DIAPH1: variants seen among roughly 807,000 people sequenced by gnomAD.
The protein encoded by DIAPH1 is diaphanous related formin 1, also known as protein diaphanous homolog 1.
In DIAPH1, 46 loss-of-function variants were observed where a neutral mutation model predicts 140.7. That is an observed-to-expected ratio of 0.33 (90% CI 0.26 to 0.42). DIAPH1 has a LOEUF of 0.42. Ranked by LOEUF, DIAPH1 falls within the 10% of genes least tolerant of loss-of-function variation. The pLI is 1.00. For synonymous variants in DIAPH1, 565 were observed against 551.6 expected, an observed-to-expected ratio of 1.02 and a Z score of -0.34; for missense variants, 1,310 against 1,558.7, an observed-to-expected ratio of 0.84 and a Z score of 2.69.
chr5:141,581,098 G>A (rs1008139468), intron 7 of DIAPH1, among the ~76,000 whole-genome samples: 3 of 152,142 alleles, frequency 2.0e-5, no homozygotes, highest in Non-Finnish European at 4.4e-5. Context: ...GGTAGAAAGG[G>A]TCCTTAATCC....
chr5:141,568,139 T>G (rs1196754025), intron 18 of DIAPH1, among the ~76,000 whole-genome samples: 2 of 152,074 alleles, frequency 1.3e-5, no homozygotes, highest in East Asian at 3.8e-4. Context: ...ATGCTATGGT[T>G]CAAGAGGTGG....
Position 141,573,996 on chromosome 5 carries a change from T to TGGA in DIAPH1, c.1851_1853dup (p.Pro620dup), listed in dbSNP as rs3075570. ...TGCAAACACCCCCAGGCAAAGGAGG[T>TGGA]GGAGGAGGAGGAGGAGGAGGAGGAG... On this transcript the variant is annotated inframe_insertion, in exon 16 of 28. Transcript: ENST00000389054. 47,107 of 1,510,582 alleles carry TGGA rather than the reference T, an allele frequency of 0.031. 343 individuals are homozygous for TGGA. The highest frequency in any genetic ancestry group is 0.085 in the African/African-American group (5,499 of 64,370). 93.6% of individuals were successfully genotyped at this position (1,510,582 alleles called of 1,614,324 possible). A position where few individuals can be genotyped will look rare whatever the true frequency, so the allele number is the denominator to read the frequency against.
chr5:141,538,504 C>A lies in DIAPH1; in HGVS notation c.2483-4071G>T, dbSNP rs1041681040. 2.6e-5 allele frequency among the ~76,000 whole-genome samples: 4 copies of A among 152,194 alleles called. No homozygotes were observed. The East Asian group carries it at 7.7e-4, about 29-fold the overall frequency. ...AGTAACTGGGATTATAGGTACCCAC[C>A]ACCATGCAACCTCCGCCTCCTGGGT... On this transcript the variant is annotated intron_variant, in intron 18 of 27. Transcript: ENST00000389054.
At chr5:141,597,202 C>T (rs747416945) in intron 1 of DIAPH1, among the ~76,000 whole-genome samples, 6 of 152,198 alleles carry the variant, frequency 3.9e-5, no homozygotes, top group Non-Finnish European at 5.9e-5. Context: ...ATAGATTATT[C>T]AAAGGCATAT....
intron 24 of DIAPH1, among the ~76,000 whole-genome samples, chr5:141,527,118 G>C (rs752410644): frequency 6.6e-6 from 1 of 152,142 alleles, no homozygotes; most frequent in Non-Finnish European, 1.5e-5. Context: ...TAGTGGAGAC[G>C]GGGTACAGGC....
At chr5:141,589,917 TC>T (rs1388732499) in intron 1 of DIAPH1, among the ~76,000 whole-genome samples, 1 of 151,888 alleles carries the variant, frequency 6.6e-6, no homozygotes, top group Non-Finnish European at 1.5e-5. Context: ...GTATAGTAAA[TC>T]TTTTTTTTTT....
chr5:141,592,877 T>G lies in DIAPH1; in HGVS notation c.118-4627A>C, dbSNP rs545713673. On this transcript the variant is annotated intron_variant, in intron 1 of 27. Coordinates refer to ENST00000389054, the MANE Select transcript of DIAPH1 (RefSeq NM_005219.5). ...TTAGGAATCCAGATTAATAGGAACT[T>G]TCAGGTAAAAGATGTCAGACTGAAC... Among the ~76,000 whole-genome samples the G allele has an allele frequency of 3.3e-4, 51 of 152,304 alleles. No individual in the cohort carries two copies. In the South Asian group the frequency reaches 8.1e-3, roughly 24 times the overall value.
At chr5:141,583,078 T>C (rs1047882827) in intron 6 of DIAPH1, 128 bp downstream of exon 6, 1 of 845,020 alleles carries the variant, frequency 1.2e-6, no homozygotes, top group Admixed American at 1.8e-5. Context: ...GATAAACCCC[T>C]TCTTGGCTAA....
chr5:141,582,081 A>AAG, intron 7 of DIAPH1: 1 of 402,630 alleles, frequency 2.5e-6, no homozygotes, highest in African/African-American at 2.1e-5. Flanking sequence ...AAAAAAAAAA[A>AAG]AAAAAAGAGA....
At chr5:141,607,532 C>A (rs936872223) in intron 1 of DIAPH1, among the ~76,000 whole-genome samples, 1 of 152,138 alleles carries the variant, frequency 6.6e-6, no homozygotes, top group Non-Finnish European at 1.5e-5. Context: ...TATCACATGG[C>A]CAAAAACGGA....
At chr5:141,576,164 T>A (rs2099895939) in intron 14 of DIAPH1, 66 bp downstream of exon 14, 1 of 1,318,830 alleles carries the variant, frequency 7.6e-7, no homozygotes, top group African/African-American at 1.5e-5. Flanking sequence ...GTCTCATAGA[T>A]CAGGAAAATA....
At chr5:141,581,010 G>A in intron 7 of DIAPH1, 127 bp from the exon 8 acceptor site, 1 of 1,056,894 alleles carries the variant, frequency 9.5e-7, no homozygotes. Flanking sequence ...CCAACCCCCA[G>A]TACCTCAAAA....
intron 19 of DIAPH1, among the ~76,000 whole-genome samples, chr5:141,531,312 TCTC>T (rs1266151595): frequency 6.6e-6 from 1 of 150,786 alleles, no homozygotes; most frequent in Non-Finnish European, 1.5e-5. Context: ...TCTCTCTCTC[TCTC>T]TTTTTTTTTT....
At position 141,521,074 on chromosome 5, in the gene DIAPH1, G is replaced by A. The variant is rs2099886466; in HGVS notation, c.3661+3069C>T. 2.6e-5 allele frequency among the ~76,000 whole-genome samples: 4 copies of A among 151,994 alleles called. No homozygotes were observed. The South Asian group carries it at 8.3e-4, about 32-fold the overall frequency. On this transcript the variant is annotated intron_variant, in intron 27 of 27. Transcript: ENST00000389054. ...TGCCACCACGCCCGGCTAATTTTTT[G>A]TATTTTTGGTAGAGACAGAGTTTCA...
In DIAPH1 at chr5:141,515,189, A is replaced by G. The variant is rs1403726492; in HGVS notation, c.*1662T>C. ...GCATCTTAGCAAAAGTAGATTAAAAAAGAAAGGGTCAAAGCCCCAGATGTC... is the reference window on the plus strand; with the variant it reads ...GCATCTTAGCAAAAGTAGATTAAAAGAGAAAGGGTCAAAGCCCCAGATGTC... On this transcript the variant is annotated 3_prime_UTR_variant, in exon 28 of 28. Transcript: ENST00000389054. 1 of 152,556 alleles carries G rather than the reference A, an allele frequency of 6.6e-6. No homozygotes were observed. The highest frequency in any genetic ancestry group is 1.5e-5 in the Non-Finnish European group (1 of 68,026). The allele number at this position is 152,556 out of a possible 1,614,324, so 9.5% of individuals were successfully genotyped here.
intron 1 of DIAPH1, among the ~76,000 whole-genome samples, chr5:141,588,768 CTA>C (rs902360590): frequency 2.1e-4 from 32 of 152,162 alleles, no homozygotes; most frequent in African/African-American, 7.7e-4. Flanking sequence ...ACATCAATTT[CTA>C]TGTTATCTAC....
At chr5:141,538,275 T>C (rs1285603885) in intron 18 of DIAPH1, among the ~76,000 whole-genome samples, 1 of 151,908 alleles carries the variant, frequency 6.6e-6, no homozygotes, top group Non-Finnish European at 1.5e-5. Context: ...TTAGCCAGGA[T>C]GGTATCAATC....
At chr5:141,568,725 G>C (rs534228835) in intron 18 of DIAPH1, among the ~76,000 whole-genome samples, 1 of 152,276 alleles carries the variant, frequency 6.6e-6, no homozygotes, top group East Asian at 1.9e-4. Context: ...GGAGGGGCCA[G>C]TAGGTATACC....
At chr5:141,533,930 C>G (rs1385744443) in intron 19 of DIAPH1, among the ~76,000 whole-genome samples, 2 of 146,344 alleles carry the variant, frequency 1.4e-5, no homozygotes, top group Admixed American at 1.4e-4. Context: ...ACTTGGGAGG[C>G]TGGGGTGGAA....
Sources: gnomAD v4.1 joint callset for allele counts (sites outside exome capture counted in the v4.1 genomes callset) on GRCh38, gnomAD v4.1.1 for gene constraint, MANE v1.5 for transcripts, NCBI Gene and HGNC (gene_info 2026-07-23, HGNC 2026-07-21) for gene names.